The following DPH1 variants were observed in gnomAD, a reference collection of about 807,000 sequenced individuals.
DPH1 encodes the protein 2-(3-amino-3-carboxypropyl)histidine synthase subunit 1.
Under a neutral mutation model 55.3 loss-of-function variants are expected in DPH1, and 59 were observed. That is an observed-to-expected ratio of 1.07 (90% CI 0.87 to 1.33). The LOEUF is 1.33. Among genes scored for constraint, DPH1 ranks in the 40% most tolerant of loss-of-function variants. The pLI is 0.00. For synonymous variants in DPH1, 238 were observed against 235.5 expected (o/e 1.01, Z -0.10); for missense variants, 628 against 584.8 (o/e 1.07, Z -0.76).
chr17:2,039,374 C>CTT (rs550518816), intron 6 of DPH1: 238 of 142,526 alleles, frequency 1.7e-3, no homozygotes, highest in African/African-American at 4.3e-3. Context: ...CTGTGGACTT[C>CTT]TTTTTTTTTT....
intron 3 of DPH1, among the ~76,000 whole-genome samples, chr17:2,034,177 C>T (rs1027705363): frequency 2.6e-5 from 4 of 151,916 alleles, no homozygotes; most frequent in African/African-American, 9.7e-5. Flanking sequence ...CTGAAATGCG[C>T]TGAGTGATCA....
In DPH1 at chr17:2,036,944, T is replaced by C. The variant is rs2067436851; in HGVS notation, c.668T>C (p.Val223Ala). Residue 223 changes from valine to alanine, a missense_variant, in exon 6 of 13, where the codon GTG becomes GCG. Physicochemically the swap from Val to Ala is moderately conservative, Grantham distance 64. Transcript: ENST00000263083. This position sits in a 1 kb window ranked among gnomAD's most constrained non-coding sequence, Gnocchi z 4.8. ...GCTSPRLSKE[V>A]EAVVYLGDGR... is the part of the protein sequence containing the mutation. ...ACATCCCCCCGACTGTCCAAAGAGG[T>C]GGAGGCCGTTGTGTAAGTTAAAAAT... 1 of 1,612,848 alleles carries C rather than the reference T, an allele frequency of 6.2e-7. No individual in the cohort carries two copies. Among genetic ancestry groups the C allele is most frequent in the East Asian group, 2.2e-5 (1 of 44,846 alleles).
Position 2,042,675 on chromosome 17 carries a change from A to T in DPH1, c.*89A>T. 2.6e-6 allele frequency: 4 copies of T among 1,526,124 alleles called. No homozygotes were observed. The highest frequency in any genetic ancestry group is 3.5e-6 in the Non-Finnish European group (4 of 1,140,240). The allele number at this position is 1,526,124 out of a possible 1,614,324, so 94.5% of individuals were successfully genotyped here. A position where few individuals can be genotyped will look rare whatever the true frequency, so the allele number is the denominator to read the frequency against. ...AGCAGGAGGCCGACGTTTTCTCCGC[A>T]TTGGAAGAGCCCGCCGTCTGCAGGG... On this transcript the variant is annotated 3_prime_UTR_variant, in exon 13 of 13. Coordinates refer to ENST00000263083, the MANE Select transcript of DPH1 (RefSeq NM_001383.6).
At chr17:2,031,768 C>T (rs1239197647) in intron 1 of DPH1, among the ~76,000 whole-genome samples, 3 of 151,956 alleles carry the variant, frequency 2.0e-5, no homozygotes, top group Non-Finnish European at 4.4e-5. Context: ...ATTGTTTATT[C>T]AGCTTATTAT....
At chr17:2,042,415 C>G (rs1489584915) in intron 12 of DPH1, 190 bp from the exon 13 acceptor site, 2 of 1,243,378 alleles carry the variant, frequency 1.6e-6, no homozygotes, top group Non-Finnish European at 2.1e-6. Flanking sequence ...AGGCTTCCGC[C>G]TTCACCGTCT....
rs2067311465 is a variant in DPH1, at chr17:2,030,190, C to T, written c.21C>T (p.Ser7=). The T allele has an allele frequency of 1.9e-6, 3 of 1,602,500 alleles. No individual in the cohort carries two copies. Among genetic ancestry groups the T allele is most frequent in the Middle Eastern group, 3.3e-4 (2 of 6,010 alleles). The part of the protein sequence containing the change: MAALVV[S]GAAEQGGRDG... ...AGGTGATGGCGGCGCTGGTCGTATC[C>T]GGGGCAGCGGAGCAGGGCGGCCGAG... The change falls in exon 1 of 13, where the codon TCC becomes TCT. Residue 7 remains serine, a synonymous_variant. Coordinates refer to ENST00000263083, the MANE Select transcript of DPH1 (RefSeq NM_001383.6).
intron 6 of DPH1, chr17:2,037,364 G>C (rs2067442324): frequency 6.3e-6 from 1 of 158,084 alleles, no homozygotes; most frequent in Admixed American, 6.2e-5. Flanking sequence ...AATGTTGTGT[G>C]AATGCAGCCA....
intron 6 of DPH1, chr17:2,037,395 C>G (rs1340705980): frequency 6.3e-6 from 1 of 157,524 alleles, no homozygotes. Flanking sequence ...CGACGGCTCC[C>G]CCGACTGGGA....
intron 6 of DPH1, 127 bp from the exon 7 acceptor site, chr17:2,039,628 C>T (rs1339366009): frequency 1.5e-5 from 16 of 1,067,462 alleles, no homozygotes; most frequent in South Asian, 3.9e-5. Flanking sequence ...CCGCCCGCCT[C>T]GGTCTCCCAA....
chr17:2,039,616 A>G, intron 6 of DPH1, 139 bp from the exon 7 acceptor site: 4 of 924,934 alleles, frequency 4.3e-6, no homozygotes, highest in Non-Finnish European at 7.0e-6. Flanking sequence ...TGACCTCATG[A>G]TCCGCCCGCC....
At chr17:2,031,520 C>A (rs1006415434) in intron 1 of DPH1, among the ~76,000 whole-genome samples, 2 of 146,290 alleles carry the variant, frequency 1.4e-5, no homozygotes, top group African/African-American at 5.1e-5. Flanking sequence ...CGAGATTGCA[C>A]CACTGCACTC....
Position 2,041,474 on chromosome 17 carries a change from C to A in DPH1, c.1087-7C>A, listed in dbSNP as rs1045049661. 5 of 1,600,468 alleles carry A rather than the reference C, an allele frequency of 3.1e-6. No homozygotes were observed. The African/African-American group carries it at 5.4e-5, about 17-fold the overall frequency. ...AGATGTTATTGTCCCTCCCTCCCCT[C>A]CCCTAGGCGGCCGTGGCTCTGAGGG... is the stretch of plus-strand genomic sequence containing the variant. On this transcript the variant is annotated splice_polypyrimidine_tract_variant and splice_region_variant and intron_variant, in intron 10 of 12. Coordinates refer to ENST00000263083, the MANE Select transcript of DPH1 (RefSeq NM_001383.6).
In DPH1 at chr17:2,040,301, C is replaced by T; in HGVS notation, c.833C>T (p.Thr278Ile). ...GCTGCTCGCCAAGAAGCCATAGCCA[C>T]TGCCCGCTCAGCTAAGTCCTGGGGC... The part of the protein sequence containing the change: ...MQAARQEAIA[T>I]ARSAKSWGLI... The change falls in exon 8 of 13, where the codon ACT becomes ATT. Residue 278 changes from threonine to isoleucine, a missense_variant. By Grantham distance (89) the Thr-to-Ile change is moderately conservative (BLOSUM62 -1). Coordinates refer to ENST00000263083, the MANE Select transcript of DPH1 (RefSeq NM_001383.6). 2 of 1,614,092 alleles carry T rather than the reference C, an allele frequency of 1.2e-6. No individual in the cohort carries two copies. Among genetic ancestry groups the T allele is most frequent in the Non-Finnish European group, 1.7e-6 (2 of 1,180,036 alleles).
intron 1 of DPH1, among the ~76,000 whole-genome samples, chr17:2,032,921 G>C (rs1286333800): frequency 6.6e-6 from 1 of 152,018 alleles, no homozygotes; most frequent in Non-Finnish European, 1.5e-5. Context: ...TTAGTAGAGA[G>C]TAGTATTTCC....
At position 2,033,887 on chromosome 17, in the gene DPH1, C is replaced by A. The variant is rs541431500; in HGVS notation, c.278+45C>A. On this transcript the variant is annotated intron_variant, in intron 3 of 12. Transcript: ENST00000263083. ...AGAGGAGGGTGAGCCAGGCTTCCCC[C>A]ACCCCCTATGCTCATTACCCGGGTG... The A allele has an allele frequency of 2.5e-6, 4 of 1,608,022 alleles. No individual in the cohort carries two copies. The Admixed American group carries it at 5.0e-5, about 20-fold the overall frequency.
chr17:2,042,940 G>GT lies in DPH1; in HGVS notation c.*359dup. ...GCCCTTGTCATTGCCTTCGCTCCAT[G>GT]TTTTTGGGGACACTGACAAAGTCAT... On this transcript the variant is annotated 3_prime_UTR_variant, in exon 13 of 13. Coordinates refer to ENST00000263083, the MANE Select transcript of DPH1 (RefSeq NM_001383.6). 6.2e-7 allele frequency: 1 copy of GT among 1,614,180 alleles called. No homozygotes were observed.
At chr17:2,042,116 T>G (rs757626282) in intron 12 of DPH1, 2 of 1,565,516 alleles carry the variant, frequency 1.3e-6, no homozygotes, top group South Asian at 2.3e-5. Context: ...GGGGCTTCCG[T>G]GAGAAGACCG....
intron 10 of DPH1, 57 bp downstream of exon 10, chr17:2,041,238 CTG>C: frequency 3.8e-6 from 6 of 1,559,016 alleles, no homozygotes; most frequent in Non-Finnish European, 5.2e-6. Flanking sequence ...AAGGTGAGGT[CTG>C]GAGTGGAGTG....
Position 2,036,544 on chromosome 17 carries a change from C to T in DPH1, c.416C>T (p.Ser139Leu), listed in dbSNP as rs780362870. 93 of 1,613,958 alleles carry T rather than the reference C, an allele frequency of 5.8e-5. No homozygotes were observed. Among genetic ancestry groups the T allele is most frequent in the Admixed American group, 3.8e-4 (23 of 59,996 alleles). ...GHSCLIPMDT[S>L]AQDFRVLYVF... ...CCTCCCACAGTTCCCATGGACACCT[C>T]GGCCCAAGACTTCCGGGTGCTGTAC... is the stretch of plus-strand genomic sequence containing the variant. The change falls in exon 5 of 13, where the codon TCG (serine) becomes TTG (leucine). Residue 139 changes from serine to leucine, a missense_variant. By Grantham distance (145) the Ser-to-Leu change is moderately radical. Transcript: ENST00000263083. The surrounding 1 kb of genome is among the most constrained non-coding windows in gnomAD (Gnocchi z 4.8).
Sources: allele counts gnomAD v4.1 joint callset (sites outside exome capture counted in the v4.1 genomes callset), GRCh38; gene constraint gnomAD v4.1.1; non-coding constraint Gnocchi (gnomAD v3.1); transcripts MANE v1.5; gene names NCBI Gene and HGNC (gene_info 2026-07-23, HGNC 2026-07-21).